The following SLC25A40 variants were observed in gnomAD, a reference collection of about 807,000 sequenced individuals.
SLC25A40 encodes mitochondrial glutathione transporter SLC25A40.
Under a neutral mutation model 46.5 loss-of-function variants are expected in SLC25A40, and 41 were observed. That is an observed-to-expected ratio of 0.88 (90% CI 0.69 to 1.14). The LOEUF (loss-of-function observed/expected upper bound fraction) is 1.14. Among genes scored for constraint, SLC25A40 ranks in the 50% most tolerant of loss-of-function variants. SLC25A40 has a pLI of 0.00. For synonymous variants in SLC25A40, 126 were observed against 127.5 expected (o/e 0.99, Z 0.08); for missense variants, 386 against 393.6 (o/e 0.98, Z 0.16).
intron 5 of SLC25A40, among the ~76,000 whole-genome samples, chr7:87,853,972 T>C (rs909357634): frequency 1.5e-4 from 23 of 152,198 alleles, no homozygotes; most frequent in Non-Finnish European, 2.8e-4. Context: ...TATATATTTT[T>C]TTCATTTTAT....
intron 1 of SLC25A40, among the ~76,000 whole-genome samples, chr7:87,875,626 ATC>A (rs919927175): frequency 3.9e-5 from 6 of 152,176 alleles, no homozygotes; most frequent in Non-Finnish European, 7.4e-5. Flanking sequence ...TTGATCTTTA[ATC>A]TCTGTTTTAC....
chr7:87,862,735 T>A (rs10215700), intron 1 of SLC25A40, among the ~76,000 whole-genome samples: 13,917 of 152,194 alleles, frequency 0.091, 755 homozygotes, highest in African/African-American at 0.15. Context: ...CAAATAAAAG[T>A]GTTTTAATGA....
intron 5 of SLC25A40, among the ~76,000 whole-genome samples, chr7:87,851,615 G>A (rs1691804802): frequency 1.3e-5 from 2 of 152,198 alleles, no homozygotes; most frequent in Non-Finnish European, 2.9e-5. Flanking sequence ...CGATCACCCA[G>A]CAATGAGACT....
chr7:87,843,888 A>C (rs1157723912), intron 8 of SLC25A40, 25 bp from the exon 9 acceptor site: 1 of 1,520,948 alleles, frequency 6.6e-7, no homozygotes, highest in Non-Finnish European at 9.0e-7. Flanking sequence ...AATGAAATGA[A>C]CACATATTTA....
intron 1 of SLC25A40, among the ~76,000 whole-genome samples, chr7:87,871,825 C>T (rs562098369): frequency 2.7e-4 from 41 of 152,320 alleles, no homozygotes; most frequent in Middle Eastern, 3.4e-3. Flanking sequence ...ACCAGTGAAG[C>T]TATCCAGACC....
chr7:87,847,466 G>A (rs1304229840), intron 7 of SLC25A40, among the ~76,000 whole-genome samples: 3 of 152,058 alleles, frequency 2.0e-5, no homozygotes, highest in Non-Finnish European at 2.9e-5. Flanking sequence ...CAGAGTAAAC[G>A]TTCTTCTGTA....
At chr7:87,862,405 A>G (rs1229088946) in intron 1 of SLC25A40, among the ~76,000 whole-genome samples, 1 of 152,158 alleles carries the variant, frequency 6.6e-6, no homozygotes, top group African/African-American at 2.4e-5. Context: ...ATTTACTCTA[A>G]CTAACCAAGG....
chr7:87,869,615 TACTC>T (rs1838864537), intron 1 of SLC25A40, among the ~76,000 whole-genome samples: 1 of 152,162 alleles, frequency 6.6e-6, no homozygotes, highest in African/African-American at 2.4e-5. Flanking sequence ...TGGTTTCCTT[TACTC>T]ACTAATTATT....
Position 87,836,809 on chromosome 7 carries a change from A to C in SLC25A40, c.825T>G (p.Ile275Met). 1 of 1,486,792 alleles carries C rather than the reference A, an allele frequency of 6.7e-7. No homozygotes were observed. The highest frequency in any genetic ancestry group is 9.0e-7 in the Non-Finnish European group (1 of 1,113,784). The allele number at this position is 1,486,792 out of a possible 1,614,324, so 92.1% of individuals were successfully genotyped here. A position where few individuals can be genotyped will look rare whatever the true frequency, so the allele number is the denominator to read the frequency against. The stretch of plus-strand genomic sequence containing the variant: ...AGGTTGACATATGCAAAGGCATAGA[A>C]ACTAAATGTTAAAATAAAGAAATAA... ...TQLWTYESHK[I>M]SMPLHMSTWI... is the part of the protein sequence containing the mutation. Residue 275 changes from isoleucine (I) to methionine (M), a missense_variant and splice_region_variant, in exon 11 of 12, where the codon ATT becomes ATG. Ile to Met is a conservative substitution (Grantham distance 10). Transcript: ENST00000341119.
At chr7:87,840,444 T>C (rs1838315512) in intron 10 of SLC25A40, among the ~76,000 whole-genome samples, 1 of 151,784 alleles carries the variant, frequency 6.6e-6, no homozygotes, top group Non-Finnish European at 1.5e-5. Context: ...CATTAGAATC[T>C]ACCTGTACAG....
At chr7:87,856,916 TAAG>T (rs1342613059) in intron 3 of SLC25A40, among the ~76,000 whole-genome samples, 1 of 152,192 alleles carries the variant, frequency 6.6e-6, no homozygotes, top group African/African-American at 2.4e-5. Context: ...ATAATGTTTC[TAAG>T]AAAACTTTTC....
intron 10 of SLC25A40, among the ~76,000 whole-genome samples, chr7:87,841,293 TA>T (rs1432286875): frequency 1.3e-4 from 19 of 151,352 alleles, no homozygotes; most frequent in Admixed American, 8.6e-4. Context: ...AAAAGGACAA[TA>T]AAAATAATAA....
At chr7:87,859,058 T>C (rs930530332) in intron 2 of SLC25A40, among the ~76,000 whole-genome samples, 14 of 152,166 alleles carry the variant, frequency 9.2e-5, no homozygotes, top group African/African-American at 3.4e-4. Context: ...ATAAGTTTTA[T>C]CTTACAAAAA....
intron 5 of SLC25A40, 46 bp from the exon 6 acceptor site, chr7:87,849,994 C>T (rs1018303267): frequency 8.2e-7 from 1 of 1,222,986 alleles, no homozygotes; most frequent in Non-Finnish European, 1.1e-6. Flanking sequence ...ATCTTTAAAC[C>T]TTTTATACAA....
intron 2 of SLC25A40, among the ~76,000 whole-genome samples, chr7:87,859,393 G>C (rs1838663441): frequency 6.6e-6 from 1 of 152,022 alleles, no homozygotes; most frequent in Admixed American, 6.6e-5. Flanking sequence ...AGTGAGCCGA[G>C]ATCGCACCAC....
chr7:87,861,771 G>A (rs1280990569), intron 1 of SLC25A40, among the ~76,000 whole-genome samples: 2 of 152,104 alleles, frequency 1.3e-5, no homozygotes, highest in African/African-American at 4.8e-5. Context: ...ATGCCAGCAA[G>A]GTTGACAACT....
At chr7:87,861,427 C>T (rs959421600) in intron 1 of SLC25A40, among the ~76,000 whole-genome samples, 1 of 151,984 alleles carries the variant, frequency 6.6e-6, no homozygotes, top group Non-Finnish European at 1.5e-5. Context: ...TTGAGAGATT[C>T]ATTCTAAATT....
chr7:87,838,583 A>G (rs1838288771), intron 10 of SLC25A40, among the ~76,000 whole-genome samples: 1 of 151,374 alleles, frequency 6.6e-6, no homozygotes, highest in African/African-American at 2.4e-5. Context: ...TAATACCTCT[A>G]TTTTTCAGAT....
intron 1 of SLC25A40, among the ~76,000 whole-genome samples, chr7:87,862,190 A>G (rs1838712511): frequency 6.6e-6 from 1 of 152,140 alleles, no homozygotes; most frequent in Admixed American, 6.5e-5. Context: ...CTATTCTCCT[A>G]TGTGCAGACA....
Sources: allele counts gnomAD v4.1 joint callset (sites outside exome capture counted in the v4.1 genomes callset), GRCh38; gene constraint gnomAD v4.1.1; transcripts MANE v1.5; gene names NCBI Gene and HGNC (gene_info 2026-07-23, HGNC 2026-07-21).